ARHGEF18: variants seen among roughly 807,000 people sequenced by gnomAD.
The protein encoded by ARHGEF18 is rho guanine nucleotide exchange factor 18.
ARHGEF18 carries 93 observed loss-of-function variants against 155.7 expected under a neutral mutation model. The ratio of observed to expected loss-of-function variants is 0.60; its 90% CI spans 0.50 to 0.71. The LOEUF is 0.71. Ranked by LOEUF, ARHGEF18 falls within the 30% of genes least tolerant of loss-of-function variation. The pLI, the probability that ARHGEF18 is intolerant of heterozygous loss-of-function variation, is 0.00. For missense variants in ARHGEF18, 1,593 were observed against 1,816.1 expected, an observed-to-expected ratio of 0.88 and a Z score of 2.23; for synonymous variants, 742 against 753.1, an observed-to-expected ratio of 0.99 and a Z score of 0.24.
At chr19:7,370,549 T>C (rs904207010) in intron 2 of ARHGEF18, among the ~76,000 whole-genome samples, 3 of 152,016 alleles carry the variant, frequency 2.0e-5, no homozygotes, top group Non-Finnish European at 4.4e-5. Context: ...AAAATTACCA[T>C]ATGATCCCGC....
At chr19:7,451,610 T>C (rs1975480981) in intron 16 of ARHGEF18, among the ~76,000 whole-genome samples, 1 of 151,922 alleles carries the variant, frequency 6.6e-6, no homozygotes, top group African/African-American at 2.4e-5. Flanking sequence ...AGATGGGGTC[T>C]CGCTGTGTTA....
chr19:7,392,612 G>A (rs188638826), intron 10 of ARHGEF18: 2 of 151,862 alleles, frequency 1.3e-5, no homozygotes, highest in African/African-American at 4.8e-5. Flanking sequence ...GCACTCGGGA[G>A]GCTGAGGCAG....
chr19:7,479,153 A>C, the ARHGEF18 span, among the ~76,000 whole-genome samples: 64,016 of 152,026 alleles, frequency 0.42, 15,247 homozygotes, highest in African/African-American at 0.66. Context: ...GGGGCTAGGG[A>C]AAAACACTGA....
intron 10 of ARHGEF18, among the ~76,000 whole-genome samples, chr19:7,431,344 C>T (rs1973949234): frequency 1.3e-5 from 2 of 151,686 alleles, no homozygotes; most frequent in South Asian, 2.1e-4. Context: ...TGGTAAAACC[C>T]CGTCTCTACT....
chr19:7,408,478 T>A (rs1972474509), intron 10 of ARHGEF18, among the ~76,000 whole-genome samples: 1 of 152,180 alleles, frequency 6.6e-6, no homozygotes, highest in Admixed American at 6.6e-5. Flanking sequence ...AGTAGACGCA[T>A]CATTTTTACA....
rs367849720 is a variant in ARHGEF18, at chr19:7,367,788, T to A, written c.15+4883T>A. On this transcript the variant is annotated intron_variant, in intron 2 of 28. Transcript: ENST00000668164. ...ATATATATATACACATATATATATT[T>A]TATATATATATACACATATATATAT... 3.2e-3 allele frequency among the ~76,000 whole-genome samples: 87 copies of A among 27,568 alleles called. 12 individuals are homozygous for A. The highest frequency in any genetic ancestry group is 6.0e-3 in the Non-Finnish European group (54 of 8,972). 18.1% of individuals were successfully genotyped at this position (27,568 alleles called of 152,430 possible). A position where few individuals can be genotyped will look rare whatever the true frequency, so the allele number is the denominator to read the frequency against.
chr19:7,409,819 G>C (rs1339791699), intron 10 of ARHGEF18, among the ~76,000 whole-genome samples: 1 of 141,732 alleles, frequency 7.1e-6, no homozygotes, highest in African/African-American at 2.6e-5. Flanking sequence ...GCCTAGGCTG[G>C]AGTGCAGTGG....
intron 10 of ARHGEF18, among the ~76,000 whole-genome samples, chr19:7,387,214 G>A (rs1427787731): frequency 3.3e-5 from 5 of 152,004 alleles, no homozygotes; most frequent in African/African-American, 7.2e-5. Context: ...GTACGGTGGC[G>A]CGATCTCAGC....
At chr19:7,377,713 A>T (rs1356604206) in intron 5 of ARHGEF18, among the ~76,000 whole-genome samples, 2 of 150,286 alleles carry the variant, frequency 1.3e-5, no homozygotes, top group African/African-American at 4.9e-5. Flanking sequence ...ACTTAAACCC[A>T]GGAGGTCAAG....
chr19:7,364,656 G>A (rs921906145), intron 2 of ARHGEF18, among the ~76,000 whole-genome samples: 2 of 152,208 alleles, frequency 1.3e-5, no homozygotes, highest in African/African-American at 4.8e-5. Flanking sequence ...TTAACATCAA[G>A]TCCTGATGGT....
intron 20 of ARHGEF18, among the ~76,000 whole-genome samples, chr19:7,460,418 A>G (rs1028522849): frequency 1.3e-5 from 2 of 152,124 alleles, no homozygotes; most frequent in African/African-American, 2.4e-5. Context: ...CACACACCAC[A>G]GCACTCACCC....
chr19:7,410,321 G>C (rs764676127), intron 10 of ARHGEF18, among the ~76,000 whole-genome samples: 1 of 151,810 alleles, frequency 6.6e-6, no homozygotes, highest in South Asian at 2.1e-4. Context: ...GTCCGTCTTA[G>C]AGTCACCTCT....
In ARHGEF18 at chr19:7,462,605, G is replaced by T. The variant is rs570295925; in HGVS notation, c.2635+271G>T. Among the ~76,000 whole-genome samples, 4 of 152,178 alleles carry T rather than the reference G, an allele frequency of 2.6e-5. No homozygotes were observed. The highest frequency in any genetic ancestry group is 9.7e-5 in the African/African-American group (4 of 41,430). ...ACCGCTCTGATGCTCCCTGCATGCA[G>T]AGGCTCTAAGCCGGGCCGTGGGGAG... On this transcript the variant is annotated intron_variant, in intron 21 of 28. Transcript: ENST00000668164. The surrounding 1 kb of genome is among the most constrained non-coding windows in gnomAD (Gnocchi z 4.4).
chr19:7,407,156 G>A (rs928746701), intron 10 of ARHGEF18, among the ~76,000 whole-genome samples: 4 of 151,920 alleles, frequency 2.6e-5, no homozygotes, highest in Non-Finnish European at 5.9e-5. Context: ...CAGGCATGGT[G>A]GCTCACGCTG....
intron 10 of ARHGEF18, among the ~76,000 whole-genome samples, chr19:7,439,361 G>C (rs1022360406): frequency 2.0e-5 from 3 of 151,858 alleles, no homozygotes; most frequent in African/African-American, 7.3e-5. Flanking sequence ...GACTGAGGCA[G>C]AAGGATTGCT....
intron 10 of ARHGEF18, among the ~76,000 whole-genome samples, chr19:7,388,809 G>A (rs1483346438): frequency 6.6e-6 from 1 of 151,912 alleles, no homozygotes; most frequent in Non-Finnish European, 1.5e-5. Context: ...TCAAACTCCT[G>A]ACCTCAGGTG....
intron 17 of ARHGEF18, among the ~76,000 whole-genome samples, chr19:7,455,846 C>G (rs925452869): frequency 6.6e-6 from 1 of 152,152 alleles, no homozygotes; most frequent in Non-Finnish European, 1.5e-5. Context: ...GGGAAACTCC[C>G]CCTTATAAAA....
intron 17 of ARHGEF18, among the ~76,000 whole-genome samples, chr19:7,455,364 A>T (rs545507661): frequency 1.3e-5 from 2 of 152,346 alleles, no homozygotes; most frequent in African/African-American, 4.8e-5. Flanking sequence ...CTGCAGTGTG[A>T]GAGAATTAGC....
Position 7,469,003 on chromosome 19 carries a change from G to T in ARHGEF18, c.3659G>T (p.Ser1220Ile). Reference sequence around the variant, plus strand: ...AGCGATGTGCCCATCCAGCTGCTCAGCGCCACCAACCAGTTCCAGAGGCAG... The same window carrying T: ...AGCGATGTGCCCATCCAGCTGCTCATCGCCACCAACCAGTTCCAGAGGCAG... ...AKSDVPIQLL[S>I]ATNQFQRQAA... is the part of the protein sequence containing the mutation. The change falls in exon 27 of 29, where the codon AGC becomes ATC. Residue 1220 changes from serine (S) to isoleucine (I), a missense_variant. Transcript: ENST00000668164. 1.3e-6 allele frequency: 2 copies of T among 1,597,514 alleles called. No homozygotes were observed. Among genetic ancestry groups the T allele is most frequent in the Non-Finnish European group, 1.7e-6 (2 of 1,173,238 alleles).
Sources: allele counts gnomAD v4.1 joint callset (sites outside exome capture counted in the v4.1 genomes callset), GRCh38; gene constraint gnomAD v4.1.1; non-coding constraint Gnocchi (gnomAD v3.1); transcripts MANE v1.5; gene names NCBI Gene and HGNC (gene_info 2026-07-23, HGNC 2026-07-21).